XCR1: variants seen among roughly 807,000 people sequenced by gnomAD.
XCR1 encodes the protein X-C motif chemokine receptor 1.
For synonymous variants in XCR1, 187 were observed against 188.5 expected, an observed-to-expected ratio of 0.99 and a Z score of 0.06; for missense variants, 356 against 424.2, an observed-to-expected ratio of 0.84 and a Z score of 1.41.
At chr3:46,047,683 G>A (rs1267602551) in intron 5 of XCR1, among the ~76,000 whole-genome samples, 1 of 152,240 alleles carries the variant, frequency 6.6e-6, no homozygotes, top group Non-Finnish European at 1.5e-5. Context: ...CACTGAGGAA[G>A]AGGTGGGCTA....
chr3:46,058,869 G>A (rs1697906714), intron 4 of XCR1, among the ~76,000 whole-genome samples: 2 of 152,260 alleles, frequency 1.3e-5, no homozygotes, highest in African/African-American at 4.8e-5. Context: ...CCGGCCATAG[G>A]GTGTCTTCTG....
Position 46,018,441 on chromosome 3 carries a change from T to C in XCR1, c.*2505A>G, listed in dbSNP as rs1265517196. ...TTGAACAAAATGTTAAGAATCAGTGTGAAACTGTGTTTGAAAGATTAGGCC... is the reference window on the plus strand; with the variant it reads ...TTGAACAAAATGTTAAGAATCAGTGCGAAACTGTGTTTGAAAGATTAGGCC... On this transcript the variant is annotated 3_prime_UTR_variant, in exon 2 of 2. Transcript: ENST00000309285. 6.6e-6 allele frequency: 1 copy of C among 152,224 alleles called. No homozygotes were observed. The highest frequency in any genetic ancestry group is 1.5e-5 in the Non-Finnish European group (1 of 68,076). The allele number at this position is 152,224 out of a possible 1,614,324, so 9.4% of individuals were successfully genotyped here.
chr3:46,034,269 G>A lies in XCR1; in HGVS notation c.-31-12291C>T, dbSNP rs1040365543. ...TTACAGGTGTGAGCCACTGCACCTG[G>A]CCATTGCTGGTATTTAGAAGAGCCA... On this transcript the variant is annotated intron_variant, in intron 5 of 5. Coordinates refer to the XCR1 transcript ENST00000683768. 7.9e-5 allele frequency among the ~76,000 whole-genome samples: 12 copies of A among 152,176 alleles called. No individual in the cohort carries two copies. The East Asian group carries it at 2.3e-3, about 29-fold the overall frequency.
At chr3:46,075,873 G>T (rs1164868238) in intron 2 of XCR1, among the ~76,000 whole-genome samples, 14 of 152,170 alleles carry the variant, frequency 9.2e-5, no homozygotes, top group Non-Finnish European at 1.2e-4. Flanking sequence ...TATCATAATA[G>T]TTAAAACAGT....
rs1461181563 is a variant in XCR1, at chr3:46,057,773, C to T, written c.-182-3703G>A. 4.6e-5 allele frequency among the ~76,000 whole-genome samples: 7 copies of T among 152,274 alleles called. No homozygotes were observed. The South Asian group carries it at 6.2e-4, about 14-fold the overall frequency. On this transcript the variant is annotated intron_variant, in intron 4 of 5. Transcript: ENST00000683768. ...CCTGAGAGTTCCAGCCTGCTCTTCCCGATGGCTGCCCTGCAGAGTTTGGAT... is the reference window on the plus strand; with the variant it reads ...CCTGAGAGTTCCAGCCTGCTCTTCCTGATGGCTGCCCTGCAGAGTTTGGAT...
chr3:46,066,385 C>T lies in XCR1; in HGVS notation c.-183+514G>A, dbSNP rs981669654. Among the ~76,000 whole-genome samples the T allele has an allele frequency of 7.9e-5, 12 of 152,346 alleles. No individual in the cohort carries two copies. In the East Asian group the frequency reaches 1.9e-3, roughly 24 times the overall value. On this transcript the variant is annotated intron_variant, in intron 4 of 5. Transcript: ENST00000683768. ...TCAGCCTTCTGAGTAGCTGAGACTA[C>T]AGGCACGCACCACCACGCCCGGCTA...
chr3:46,045,012 C>T (rs1697599594), intron 5 of XCR1, among the ~76,000 whole-genome samples: 1 of 152,146 alleles, frequency 6.6e-6, no homozygotes, highest in African/African-American at 2.4e-5. Context: ...CAGCATTACC[C>T]TAATACCAAA....
At chr3:46,063,379 G>C (rs1008815918) in intron 4 of XCR1, among the ~76,000 whole-genome samples, 1 of 152,168 alleles carries the variant, frequency 6.6e-6, no homozygotes, top group African/African-American at 2.4e-5. Context: ...GCACACAGCC[G>C]TGGGCAGAGG....
intron 5 of XCR1, among the ~76,000 whole-genome samples, chr3:46,036,343 C>G (rs1373448900): frequency 6.6e-6 from 1 of 152,128 alleles, no homozygotes. Flanking sequence ...TGGTTCACAC[C>G]CTATGTTGGA....
chr3:46,076,937 A>T (rs1160360060), intron 1 of XCR1, among the ~76,000 whole-genome samples: 1 of 152,168 alleles, frequency 6.6e-6, no homozygotes, highest in African/African-American at 2.4e-5. Flanking sequence ...CTGAGAGAGA[A>T]AAGAAACTTT....
intron 1 of XCR1, chr3:46,023,345 G>C: frequency 1.5e-6 from 2 of 1,335,274 alleles, no homozygotes; most frequent in Non-Finnish European, 2.1e-6. Flanking sequence ...CAGAGCAGAC[G>C]AGCCGACCGT....
chr3:46,026,238 C>T (rs1458568487), intron 1 of XCR1, among the ~76,000 whole-genome samples: 1 of 152,104 alleles, frequency 6.6e-6, no homozygotes, highest in African/African-American at 2.4e-5. Flanking sequence ...CAGAGGCAGT[C>T]ATGTTCTGGG....
intron 1 of XCR1, among the ~76,000 whole-genome samples, chr3:46,083,574 C>T (rs1273240512): frequency 6.6e-6 from 1 of 152,162 alleles, no homozygotes; most frequent in African/African-American, 2.4e-5. Context: ...AATACTTTTG[C>T]CTTTGTTGGA....
At chr3:46,080,896 C>G (rs1698350628) in intron 1 of XCR1, among the ~76,000 whole-genome samples, 2 of 152,126 alleles carry the variant, frequency 1.3e-5, no homozygotes, top group Non-Finnish European at 2.9e-5. Context: ...TGGAAAACTC[C>G]TTCATAGGTT....
At chr3:46,074,035 A>G (rs1032992782) in intron 3 of XCR1, among the ~76,000 whole-genome samples, 1 of 152,130 alleles carries the variant, frequency 6.6e-6, no homozygotes, top group Non-Finnish European at 1.5e-5. Flanking sequence ...AAGAACTAAA[A>G]GTAGAACTAC....
intron 4 of XCR1, among the ~76,000 whole-genome samples, chr3:46,060,203 C>T (rs1423061919): frequency 2.0e-5 from 3 of 152,340 alleles, no homozygotes; most frequent in Admixed American, 2.0e-4. Context: ...CCTTCTTCCA[C>T]TACCCATGAC....
chr3:46,076,712 G>T (rs1023377873), intron 2 of XCR1, among the ~76,000 whole-genome samples: 1 of 152,072 alleles, frequency 6.6e-6, no homozygotes, highest in Non-Finnish European at 1.5e-5. Flanking sequence ...GAAAACAAGG[G>T]GCTATACCTC....
chr3:46,026,467 G>A (rs1265150842), intron 1 of XCR1, among the ~76,000 whole-genome samples: 3 of 151,866 alleles, frequency 2.0e-5, no homozygotes, highest in Non-Finnish European at 4.4e-5. Flanking sequence ...TAATAACAAG[G>A]CCTTACATAA....
upstream of XCR1, among the ~76,000 whole-genome samples, chr3:46,030,107 A>G (rs1708370142): frequency 6.6e-6 from 1 of 151,592 alleles, no homozygotes; most frequent in Non-Finnish European, 1.5e-5. Context: ...AAGTCATGAC[A>G]TCTGCATATA....
Sources: gnomAD v4.1 joint callset for allele counts (sites outside exome capture counted in the v4.1 genomes callset) on GRCh38, gnomAD v4.1.1 for gene constraint, MANE v1.5 for transcripts, NCBI Gene and HGNC (gene_info 2026-07-23, HGNC 2026-07-21) for gene names.